Variants in SOX5 observed in about 807,000 individuals in gnomAD.
SOX5 encodes transcription factor SOX-5.
Under a neutral mutation model 92.0 loss-of-function variants are expected in SOX5, and 9 were observed. The ratio of observed to expected loss-of-function variants is 0.10; its 90% confidence interval spans 0.06 to 0.17. The LOEUF (loss-of-function observed/expected upper bound fraction) is 0.17, where lower values mean the gene tolerates loss of function less well. Among genes scored for constraint, SOX5 ranks in the 10% least tolerant of loss-of-function variants. SOX5 has a pLI of 1.00. For missense variants in SOX5, 642 were observed against 944.5 expected, an observed-to-expected ratio of 0.68 and a Z score of 4.20; for synonymous variants, 344 against 336.3, an observed-to-expected ratio of 1.02 and a Z score of -0.25.
At chr12:24,232,428 C>T (rs12228223) in intron 3 of SOX5, among the ~76,000 whole-genome samples, 1 of 152,228 alleles carries the variant, frequency 6.6e-6, no homozygotes, top group East Asian at 1.9e-4. Flanking sequence ...AATTTCTTGA[C>T]ACAAAGAGAA....
chr12:23,767,979 AG>A (rs1373883897), intron 3 of SOX5, among the ~76,000 whole-genome samples: 2 of 152,174 alleles, frequency 1.3e-5, no homozygotes, highest in Non-Finnish European at 2.9e-5. Context: ...AATGTATCTG[AG>A]GAACAATAGC....
chr12:23,970,648 G>T (rs1445993341), intron 4 of SOX5, among the ~76,000 whole-genome samples: 6 of 150,214 alleles, frequency 4.0e-5, no homozygotes, highest in Non-Finnish European at 7.4e-5. Flanking sequence ...ATGATATTCT[G>T]TTTTATGAAT....
At chr12:24,523,171 A>C (rs1252340838) in intron 1 of SOX5, among the ~76,000 whole-genome samples, 1 of 152,196 alleles carries the variant, frequency 6.6e-6, no homozygotes, top group East Asian at 1.9e-4. Flanking sequence ...ACATACTTAG[A>C]AATAAAGTTA....
intron 2 of SOX5, among the ~76,000 whole-genome samples, chr12:24,290,015 T>C (rs1481998303): frequency 1.3e-5 from 2 of 152,198 alleles, no homozygotes; most frequent in Non-Finnish European, 2.9e-5. Context: ...GCTAATACCT[T>C]GTCTACTACT....
chr12:24,319,651 G>GTTC (rs896404489), intron 2 of SOX5, among the ~76,000 whole-genome samples: 1 of 152,112 alleles, frequency 6.6e-6, no homozygotes, highest in Non-Finnish European at 1.5e-5. Flanking sequence ...CCCACACATG[G>GTTC]TTCTGAGTGC....
intron 1 of SOX5, among the ~76,000 whole-genome samples, chr12:24,414,612 G>T (rs1052629037): frequency 6.6e-6 from 1 of 152,200 alleles, no homozygotes; most frequent in Non-Finnish European, 1.5e-5. Flanking sequence ...CTCACCCAGA[G>T]GTGCCACATG....
chr12:23,704,614 T>C (rs2091112936), intron 6 of SOX5, among the ~76,000 whole-genome samples: 1 of 148,646 alleles, frequency 6.7e-6, no homozygotes, highest in Non-Finnish European at 1.5e-5. Flanking sequence ...AGGTCTGCAT[T>C]CCCCTGTGAT....
intron 2 of SOX5, among the ~76,000 whole-genome samples, chr12:24,320,192 G>A (rs73287632): frequency 0.02 from 3,097 of 152,254 alleles, 102 homozygotes; most frequent in African/African-American, 0.071. Flanking sequence ...ACTTTAATAG[G>A]CAAGGAATCC....
chr12:23,719,074 C>G (rs747033311), intron 6 of SOX5, among the ~76,000 whole-genome samples: 1 of 152,148 alleles, frequency 6.6e-6, no homozygotes, highest in Admixed American at 6.5e-5. Flanking sequence ...TTATTTGATA[C>G]TCTTTAGTAT....
intron 4 of SOX5, among the ~76,000 whole-genome samples, chr12:24,058,634 G>A (rs1243380540): frequency 6.6e-6 from 1 of 152,120 alleles, no homozygotes; most frequent in African/African-American, 2.4e-5. Context: ...AAGTATAGAG[G>A]AAATAGTTAT....
intron 4 of SOX5, among the ~76,000 whole-genome samples, chr12:24,171,384 C>T (rs899190038): frequency 3.3e-5 from 5 of 151,594 alleles, no homozygotes; most frequent in Non-Finnish European, 7.4e-5. Context: ...CCACCGCACC[C>T]GGCTAATTTT....
intron 2 of SOX5, among the ~76,000 whole-genome samples, chr12:24,357,707 G>T (rs1394818084): frequency 6.6e-6 from 1 of 152,038 alleles, no homozygotes; most frequent in Non-Finnish European, 1.5e-5. Flanking sequence ...GCTGGGCGTG[G>T]TGGCGTGGGC....
intron 4 of SOX5, among the ~76,000 whole-genome samples, chr12:24,113,887 T>C (rs894163480): frequency 6.6e-6 from 1 of 152,188 alleles, no homozygotes; most frequent in Non-Finnish European, 1.5e-5. Context: ...TGGCAGTTAA[T>C]AGAATCAAAT....
intron 2 of SOX5, among the ~76,000 whole-genome samples, chr12:24,366,757 C>G (rs1432225422): frequency 6.6e-6 from 1 of 151,988 alleles, no homozygotes; most frequent in South Asian, 2.1e-4. Flanking sequence ...TGCAGTCCCT[C>G]CTACCTGTCT....
intron 2 of SOX5, among the ~76,000 whole-genome samples, chr12:24,355,585 C>T (rs780290695): frequency 5.3e-5 from 8 of 151,980 alleles, no homozygotes; most frequent in African/African-American, 9.7e-5. Context: ...TAATATGCCA[C>T]GATACCTTTC....
intron 9 of SOX5, among the ~76,000 whole-genome samples, chr12:23,588,116 G>GT (rs1371236652): frequency 2.6e-5 from 4 of 152,016 alleles, no homozygotes; most frequent in African/African-American, 9.7e-5. Context: ...GTTAAGGCCA[G>GT]TTTTTATGTT....
At chr12:24,055,309 G>C (rs1957987354) in intron 4 of SOX5, among the ~76,000 whole-genome samples, 1 of 152,090 alleles carries the variant, frequency 6.6e-6, no homozygotes, top group African/African-American at 2.4e-5. Flanking sequence ...TATCAAAGAG[G>C]GATACAATAT....
intron 4 of SOX5, among the ~76,000 whole-genome samples, chr12:24,128,552 A>T (rs979531112): frequency 6.6e-6 from 1 of 152,208 alleles, no homozygotes; most frequent in Non-Finnish European, 1.5e-5. Flanking sequence ...AAAGGATGAA[A>T]AGCCAGACGT....
At chr12:24,545,731 AGTAT>A (rs1183766696) in intron 1 of SOX5, among the ~76,000 whole-genome samples, 2 of 152,210 alleles carry the variant, frequency 1.3e-5, no homozygotes, top group East Asian at 1.9e-4. Context: ...AGCTGCCAGG[AGTAT>A]CGGCTGCTGG....
Sources: gnomAD v4.1 joint callset for allele counts (sites outside exome capture counted in the v4.1 genomes callset) on GRCh38, gnomAD v4.1.1 for gene constraint, MANE v1.5 for transcripts, NCBI Gene and HGNC (gene_info 2026-07-23, HGNC 2026-07-21) for gene names.